CTNND2: variants seen among roughly 807,000 people sequenced by gnomAD.
The protein encoded by CTNND2 is catenin delta 2, also known as catenin delta-2.
In CTNND2, 22 loss-of-function variants were observed where a neutral mutation model predicts 144.4. That is an observed-to-expected ratio of 0.15 (90% CI 0.11 to 0.22). The LOEUF (loss-of-function observed/expected upper bound fraction) is 0.22. Ranked by LOEUF, CTNND2 falls within the 10% of genes least tolerant of loss-of-function variation. CTNND2 has a pLI of 1.00. For missense variants in CTNND2, 1,353 were observed against 1,618.8 expected (o/e 0.84, Z 2.82); for synonymous variants, 751 against 695.6 (o/e 1.08, Z -1.25).
chr5:10,988,471 G>A lies in CTNND2; in HGVS notation c.3212-229C>T, dbSNP rs1738291921. On this transcript the variant is annotated intron_variant, in intron 19 of 21. Transcript: ENST00000304623. The surrounding 1 kb of genome is among the most constrained non-coding windows in gnomAD (Gnocchi z 5.9). ...TTATAGTTAGAGGGCATGTGATTTG[G>A]AGGCTGGCAACTGGGGACCACATCC... Among the ~76,000 whole-genome samples the A allele has an allele frequency of 6.6e-6, 1 of 152,136 alleles. No individual in the cohort carries two copies. The highest frequency in any genetic ancestry group is 6.5e-5 in the Admixed American group (1 of 15,276).
intron 18 of CTNND2, among the ~76,000 whole-genome samples, chr5:10,998,967 C>T (rs1051958721): frequency 6.6e-6 from 1 of 152,116 alleles, no homozygotes; most frequent in Non-Finnish European, 1.5e-5. Flanking sequence ...GAGCAGCTGC[C>T]AAATGTCATG....
At chr5:11,111,461 A>G (rs1752974459) in intron 13 of CTNND2, among the ~76,000 whole-genome samples, 1 of 152,118 alleles carries the variant, frequency 6.6e-6, no homozygotes, top group Non-Finnish European at 1.5e-5. Context: ...GGTGGGGGGC[A>G]TATTTACTGC....
chr5:11,132,381 G>T (rs540560346), intron 12 of CTNND2, among the ~76,000 whole-genome samples: 5 of 152,184 alleles, frequency 3.3e-5, no homozygotes, highest in Non-Finnish European at 7.3e-5. Context: ...TAACCCCCAT[G>T]TCACAGTGTT....
chr5:11,540,175 C>T (rs913254651), intron 3 of CTNND2, among the ~76,000 whole-genome samples: 3 of 152,178 alleles, frequency 2.0e-5, no homozygotes, highest in Non-Finnish European at 4.4e-5. Flanking sequence ...CTATACAACC[C>T]GACACAGGTT....
intron 1 of CTNND2, among the ~76,000 whole-genome samples, chr5:11,896,887 C>T (rs1343920291): frequency 2.0e-5 from 3 of 152,072 alleles, no homozygotes; most frequent in Non-Finnish European, 4.4e-5. Context: ...CTAGAGGTGC[C>T]ATAATATATC....
chr5:11,201,717 G>A (rs1737458857), intron 10 of CTNND2, among the ~76,000 whole-genome samples: 1 of 152,226 alleles, frequency 6.6e-6, no homozygotes, highest in Non-Finnish European at 1.5e-5. Context: ...GTGTGGTTGA[G>A]GGGGTTATGG....
chr5:11,160,054 C>T (rs1227637780), intron 11 of CTNND2, among the ~76,000 whole-genome samples: 2 of 152,180 alleles, frequency 1.3e-5, no homozygotes, highest in Non-Finnish European at 2.9e-5. Flanking sequence ...GCTTCTGTTC[C>T]ATTTTAATAC....
chr5:11,823,121 A>G (rs1793406066), intron 1 of CTNND2, among the ~76,000 whole-genome samples: 1 of 152,226 alleles, frequency 6.6e-6, no homozygotes, highest in African/African-American at 2.4e-5. Context: ...ATTCATGTCA[A>G]CAATTAAAAT....
At chr5:11,207,156 T>A (rs1218686648) in intron 10 of CTNND2, among the ~76,000 whole-genome samples, 2 of 152,130 alleles carry the variant, frequency 1.3e-5, no homozygotes, top group African/African-American at 2.4e-5. Context: ...AAACACTGCA[T>A]GTTCTCACTC....
chr5:11,764,398 T>C lies in CTNND2; in HGVS notation c.38-32126A>G, dbSNP rs191130586. On this transcript the variant is annotated intron_variant, in intron 1 of 21. Transcript: ENST00000304623. Reference sequence around the variant, plus strand: ...ACAATCTGTTACAGCAGCCGCAATTTCCTGGCCCATTGTGGGCATGTCTCT... The same window carrying C: ...ACAATCTGTTACAGCAGCCGCAATTCCCTGGCCCATTGTGGGCATGTCTCT... 3.1e-4 allele frequency among the ~76,000 whole-genome samples: 47 copies of C among 152,254 alleles called. 1 individual carries two copies. In the East Asian group the frequency reaches 5.4e-3, roughly 18 times the overall value.
At chr5:11,031,016 A>C (rs79505754) in intron 16 of CTNND2, among the ~76,000 whole-genome samples, 4 of 152,030 alleles carry the variant, frequency 2.6e-5, no homozygotes, top group South Asian at 2.1e-4. Context: ...TGAGCATGAG[A>C]GTTTCCCTGG....
chr5:11,388,795 C>T (rs1303214687), intron 6 of CTNND2, among the ~76,000 whole-genome samples: 2 of 152,162 alleles, frequency 1.3e-5, no homozygotes, highest in South Asian at 2.1e-4. Flanking sequence ...TAGAGATAAT[C>T]GAAACACATT....
intron 9 of CTNND2, among the ~76,000 whole-genome samples, chr5:11,263,328 G>C (rs981166572): frequency 3.3e-5 from 5 of 152,020 alleles, no homozygotes; most frequent in East Asian, 1.9e-4. Flanking sequence ...ATTTTAAATA[G>C]AGCAACCAAG....
chr5:11,470,345 G>A (rs975717988), intron 3 of CTNND2, among the ~76,000 whole-genome samples: 5 of 152,044 alleles, frequency 3.3e-5, no homozygotes, highest in Admixed American at 6.6e-5. Context: ...GAGGCAGGAG[G>A]ATTGCTTGAA....
intron 8 of CTNND2, among the ~76,000 whole-genome samples, chr5:11,356,640 A>C (rs1316355024): frequency 2.0e-5 from 3 of 152,110 alleles, no homozygotes; most frequent in Non-Finnish European, 4.4e-5. Context: ...GGGCTGGGCA[A>C]GAATTTTTAA....
chr5:11,439,029 G>A (rs1764016618), intron 3 of CTNND2, among the ~76,000 whole-genome samples: 1 of 151,896 alleles, frequency 6.6e-6, no homozygotes, highest in Non-Finnish European at 1.5e-5. Flanking sequence ...TAGTACCACC[G>A]ATGTGTACCT....
chr5:11,051,133 G>A (rs1745785656), intron 16 of CTNND2, among the ~76,000 whole-genome samples: 1 of 152,166 alleles, frequency 6.6e-6, no homozygotes, highest in Non-Finnish European at 1.5e-5. Context: ...AATTGCTAGT[G>A]AATTTCCTTC....
At chr5:11,659,107 G>A (rs551063862) in intron 2 of CTNND2, among the ~76,000 whole-genome samples, 9 of 151,636 alleles carry the variant, frequency 5.9e-5, no homozygotes, top group Admixed American at 3.9e-4. Flanking sequence ...TTCAACCAAC[G>A]GCAGATCAAA....
At chr5:11,402,545 C>G (rs1056397769) in intron 5 of CTNND2, among the ~76,000 whole-genome samples, 3 of 152,118 alleles carry the variant, frequency 2.0e-5, no homozygotes, top group Non-Finnish European at 4.4e-5. Flanking sequence ...AAGAACTTGC[C>G]CATTTACAAA....
Sources: gnomAD v4.1 joint callset for allele counts (sites outside exome capture counted in the v4.1 genomes callset) on GRCh38, gnomAD v4.1.1 for gene constraint, Gnocchi (gnomAD v3.1) non-coding constraint, MANE v1.5 for transcripts, NCBI Gene and HGNC (gene_info 2026-07-23, HGNC 2026-07-21) for gene names.